Variants in DNAH6 observed in about 807,000 individuals in gnomAD.
DNAH6 encodes the protein axonemal beta dynein heavy chain 6.
Under a neutral mutation model 491.4 loss-of-function variants are expected in DNAH6, and 340 were observed. That is an observed-to-expected ratio of 0.69 (90% CI 0.63 to 0.76). The LOEUF (loss-of-function observed/expected upper bound fraction) is 0.76, where lower values mean the gene tolerates loss of function less well. DNAH6 is among the 30% of genes least tolerant of loss of function. DNAH6 has a pLI of 0.00. For synonymous variants in DNAH6, 1,603 were observed against 1,686.1 expected, an observed-to-expected ratio of 0.95 and a Z score of 1.21; for missense variants, 4,443 against 4,972.2, an observed-to-expected ratio of 0.89 and a Z score of 3.20.
At chr2:84,675,977 C>T (rs1693201077) in intron 40 of DNAH6, among the ~76,000 whole-genome samples, 1 of 152,182 alleles carries the variant, frequency 6.6e-6, no homozygotes, top group Admixed American at 6.5e-5. Flanking sequence ...CTGTCCTTCC[C>T]ACTAAAGCTG....
At chr2:84,746,690 T>C (rs1673004607) in intron 63 of DNAH6, among the ~76,000 whole-genome samples, 1 of 152,184 alleles carries the variant, frequency 6.6e-6, no homozygotes, top group Non-Finnish European at 1.5e-5. Flanking sequence ...TTCTGCTATC[T>C]GTGTATGTTA....
chr2:84,786,424 CA>C (rs34307388), intron 67 of DNAH6, among the ~76,000 whole-genome samples: 4,132 of 88,754 alleles, frequency 0.047, 63 homozygotes, highest in South Asian at 0.096. Flanking sequence ...GACTCTGTCT[CA>C]AAAAAAAAAA....
At chr2:84,677,959 C>G (rs1006949184) in intron 41 of DNAH6, among the ~76,000 whole-genome samples, 2 of 152,118 alleles carry the variant, frequency 1.3e-5, no homozygotes, top group Non-Finnish European at 2.9e-5. Context: ...CCTGGAGAAG[C>G]TGATGACAGT....
At chr2:84,563,669 T>C (rs1409707583) in intron 11 of DNAH6, among the ~76,000 whole-genome samples, 3 of 152,198 alleles carry the variant, frequency 2.0e-5, no homozygotes, top group African/African-American at 4.8e-5. Context: ...TGAAAATTTC[T>C]TTTGCTGTGC....
At chr2:84,818,375 C>A (rs948113888) in intron 76 of DNAH6, among the ~76,000 whole-genome samples, 7 of 151,204 alleles carry the variant, frequency 4.6e-5, no homozygotes, top group South Asian at 2.1e-4. Flanking sequence ...GTAGTCCCAG[C>A]CGCTTGGGAG....
intron 22 of DNAH6, among the ~76,000 whole-genome samples, chr2:84,614,773 C>G (rs1349572217): frequency 6.6e-6 from 1 of 151,958 alleles, no homozygotes; most frequent in East Asian, 1.9e-4. Flanking sequence ...TTTCCCTGAT[C>G]ATTAGTGATG....
Position 84,752,860 on chromosome 2 carries a change from G to A in DNAH6, c.10512+7611G>A, listed in dbSNP as rs187767510. Among the ~76,000 whole-genome samples, 15 of 152,242 alleles carry A rather than the reference G, an allele frequency of 9.9e-5. No homozygotes were observed. The East Asian group carries it at 2.5e-3, about 25-fold the overall frequency. On this transcript the variant is annotated intron_variant, in intron 63 of 76. Coordinates refer to ENST00000389394, the MANE Select transcript of DNAH6 (RefSeq NM_001370.2). ...CCACTTTCTGACTATTATGAATAAT[G>A]CTGCCATAAACATTTGTGTACAAGT...
At chr2:84,573,710 TA>T in intron 12 of DNAH6, 123 bp downstream of exon 12, 1 of 746,904 alleles carries the variant, frequency 1.3e-6, no homozygotes. Context: ...TGGCCTGACA[TA>T]AGGCAAGAGT....
intron 6 of DNAH6, 30 bp downstream of exon 6, chr2:84,547,432 CT>C (rs1447356434): frequency 6.4e-7 from 1 of 1,551,326 alleles, no homozygotes; most frequent in East Asian, 2.4e-5. Context: ...AGAATCAAAG[CT>C]TTTTTCCCTA....
chr2:84,562,714 A>T (rs1181851042), intron 11 of DNAH6, among the ~76,000 whole-genome samples: 1 of 152,238 alleles, frequency 6.6e-6, no homozygotes, highest in African/African-American at 2.4e-5. Flanking sequence ...AGTCCTCTCC[A>T]TTGGAGTCAC....
chr2:84,576,997 T>C (rs1682510928), intron 12 of DNAH6, among the ~76,000 whole-genome samples: 1 of 152,218 alleles, frequency 6.6e-6, no homozygotes, highest in Non-Finnish European at 1.5e-5. Flanking sequence ...ACTTACAAGT[T>C]ATTTTCATCT....
chr2:84,479,125 T>G, the DNAH6 span, among the ~76,000 whole-genome samples: 3 of 152,248 alleles, frequency 2.0e-5, no homozygotes, highest in Non-Finnish European at 4.4e-5. Flanking sequence ...CCAACCGTAG[T>G]CTCCAACATT....
At chr2:84,499,309 G>A in the DNAH6 span, among the ~76,000 whole-genome samples, 1 of 151,968 alleles carries the variant, frequency 6.6e-6, no homozygotes, top group African/African-American at 2.4e-5. Flanking sequence ...GTCTTTCTGT[G>A]CCTGGCTTAT....
chr2:84,595,511 C>A (rs1684492427), intron 17 of DNAH6, 135 bp from the exon 18 acceptor site: 1 of 749,784 alleles, frequency 1.3e-6, no homozygotes, highest in Non-Finnish European at 2.1e-6. Context: ...ATGTTATTAG[C>A]AATTTAATAA....
At chr2:84,472,345 C>T in the DNAH6 span, among the ~76,000 whole-genome samples, 1 of 151,952 alleles carries the variant, frequency 6.6e-6, no homozygotes, top group Non-Finnish European at 1.5e-5. Context: ...ACTACACTAT[C>T]CTGGCCATTA....
At chr2:84,635,490 A>G (rs985958370) in intron 30 of DNAH6, among the ~76,000 whole-genome samples, 1 of 152,212 alleles carries the variant, frequency 6.6e-6, no homozygotes, top group Non-Finnish European at 1.5e-5. Flanking sequence ...GGAGGCCTAT[A>G]TTAAACACAA....
the DNAH6 span, among the ~76,000 whole-genome samples, chr2:84,508,476 T>C: frequency 6.6e-6 from 1 of 152,166 alleles, no homozygotes; most frequent in Non-Finnish European, 1.5e-5. Flanking sequence ...TTATTAGTCT[T>C]GCTAGCGGCC....
chr2:84,547,408 A>G lies in DNAH6; in HGVS notation c.1065+6A>G. 2 of 1,551,694 alleles carry G rather than the reference A, an allele frequency of 1.3e-6. No homozygotes were observed. The highest frequency in any genetic ancestry group is 8.7e-7 in the Non-Finnish European group (1 of 1,146,938). On this transcript the variant is annotated splice_donor_region_variant and intron_variant, in intron 6 of 76. Transcript: ENST00000389394. The stretch of plus-strand genomic sequence containing the variant: ...AAGTCATACGGCTAGCAGAGGTAAC[A>G]AATTTTGTCTATAAGAATCAAAGCT...
At chr2:84,564,449 T>G (rs1680972973) in intron 11 of DNAH6, among the ~76,000 whole-genome samples, 1 of 152,168 alleles carries the variant, frequency 6.6e-6, no homozygotes, top group Non-Finnish European at 1.5e-5. Context: ...CGTATGTGGC[T>G]ATCATAAATG....
Sources: allele counts gnomAD v4.1 joint callset (sites outside exome capture counted in the v4.1 genomes callset), GRCh38; gene constraint gnomAD v4.1.1; transcripts MANE v1.5; gene names NCBI Gene and HGNC (gene_info 2026-07-23, HGNC 2026-07-21).